EYA2: variants seen among roughly 807,000 people sequenced by gnomAD.
EYA2 encodes EYA transcriptional coactivator and phosphatase 2.
In EYA2, 31 loss-of-function variants were observed where a neutral mutation model predicts 69.2. The ratio of observed to expected loss-of-function variants is 0.45; its 90% confidence interval spans 0.34 to 0.60. The LOEUF (loss-of-function observed/expected upper bound fraction) is 0.60. Among genes scored for constraint, EYA2 ranks in the 20% least tolerant of loss-of-function variants. The pLI, the probability that EYA2 is intolerant of heterozygous loss-of-function variation, is 0.02. For synonymous variants in EYA2, 257 were observed against 279.4 expected (o/e 0.92, Z 0.80); for missense variants, 622 against 701.2 (o/e 0.89, Z 1.28).
chr20:47,039,298 G>T (rs1381569273), intron 5 of EYA2, among the ~76,000 whole-genome samples: 1 of 152,180 alleles, frequency 6.6e-6, no homozygotes, highest in Non-Finnish European at 1.5e-5. Flanking sequence ...ATCAAAAGAA[G>T]AATAATATTT....
At chr20:47,022,391 G>A (rs1983806800) in intron 5 of EYA2, among the ~76,000 whole-genome samples, 1 of 152,102 alleles carries the variant, frequency 6.6e-6, no homozygotes, top group South Asian at 2.1e-4. Context: ...TCGGCTTACT[G>A]CAACCTCCGC....
chr20:46,905,392 AC>A (rs1473256343), intron 1 of EYA2, among the ~76,000 whole-genome samples: 1 of 152,156 alleles, frequency 6.6e-6, no homozygotes, highest in African/African-American at 2.4e-5. Flanking sequence ...GACTCCCCTG[AC>A]CAACCAGTTA....
chr20:47,136,682 G>T (rs776627075), intron 9 of EYA2, among the ~76,000 whole-genome samples: 1 of 151,022 alleles, frequency 6.6e-6, no homozygotes, highest in Non-Finnish European at 1.5e-5. Flanking sequence ...GTTCAAGGCT[G>T]CATTGAGCTA....
intron 2 of EYA2, among the ~76,000 whole-genome samples, chr20:47,000,813 G>A (rs1040717875): frequency 1.3e-5 from 2 of 152,126 alleles, no homozygotes; most frequent in Non-Finnish European, 2.9e-5. Flanking sequence ...TGGAGCTTAG[G>A]AGATGATCGA....
intron 12 of EYA2, among the ~76,000 whole-genome samples, chr20:47,176,180 A>G (rs2034424384): frequency 6.6e-6 from 1 of 150,928 alleles, no homozygotes; most frequent in Non-Finnish European, 1.5e-5. Context: ...CCCAGGTTCA[A>G]GTGACTCTCC....
At chr20:47,073,618 A>G (rs2031398588) in intron 6 of EYA2, among the ~76,000 whole-genome samples, 1 of 152,102 alleles carries the variant, frequency 6.6e-6, no homozygotes, top group Non-Finnish European at 1.5e-5. Flanking sequence ...AGTGACCAGG[A>G]CAGGTGCCAT....
intron 11 of EYA2, 133 bp from the exon 12 acceptor site, chr20:47,172,574 C>T: frequency 1.2e-6 from 1 of 801,858 alleles, no homozygotes; most frequent in Non-Finnish European, 1.9e-6. Flanking sequence ...ACACTCGCAG[C>T]ACCCTGTGCA....
intron 1 of EYA2, among the ~76,000 whole-genome samples, chr20:46,953,604 C>G (rs1978938595): frequency 2.0e-5 from 3 of 152,132 alleles, no homozygotes; most frequent in South Asian, 2.1e-4. Context: ...TGGCGCTGTC[C>G]TGTGCCTTGT....
At chr20:46,938,780 T>A (rs2146260114) in intron 1 of EYA2, among the ~76,000 whole-genome samples, 1 of 152,180 alleles carries the variant, frequency 6.6e-6, no homozygotes. Context: ...CCAACCCAGG[T>A]ACTGTGTGGG....
chr20:47,074,436 C>A, intron 7 of EYA2, 101 bp downstream of exon 7: 1 of 1,272,300 alleles, frequency 7.9e-7, no homozygotes, highest in South Asian at 1.4e-5. Context: ...ACAGGTTACC[C>A]AAGGGTCATT....
In EYA2 at chr20:46,955,338, G is replaced by A. The variant is rs77398585; in HGVS notation, c.-10-34663G>A. Among the ~76,000 whole-genome samples, 993 of 152,270 alleles carry A rather than the reference G, an allele frequency of 6.5e-3. 11 individuals carry two copies. The highest frequency in any genetic ancestry group is 0.023 in the African/African-American group (938 of 41,556). On this transcript the variant is annotated intron_variant, in intron 1 of 15. Coordinates refer to ENST00000327619, the MANE Select transcript of EYA2 (RefSeq NM_005244.5). ...TTTATTTAATGAGCACCTACTGTGT[G>A]TCAGCCAGGCCTCACACCTGGCACT...
At chr20:46,959,139 T>A (rs1237294170) in intron 1 of EYA2, among the ~76,000 whole-genome samples, 1 of 152,250 alleles carries the variant, frequency 6.6e-6, no homozygotes, top group Non-Finnish European at 1.5e-5. Flanking sequence ...AACCTTCATT[T>A]GTTGGAAACC....
At chr20:47,019,423 A>C (rs920716967) in intron 5 of EYA2, among the ~76,000 whole-genome samples, 2 of 152,064 alleles carry the variant, frequency 1.3e-5, no homozygotes, top group African/African-American at 4.8e-5. Flanking sequence ...TATTTTTTTC[A>C]AACACAAACA....
At chr20:46,937,747 C>T (rs1333579092) in intron 1 of EYA2, among the ~76,000 whole-genome samples, 2 of 151,404 alleles carry the variant, frequency 1.3e-5, no homozygotes, top group Admixed American at 1.3e-4. Flanking sequence ...GAGACCTTTC[C>T]GGCCACATTA....
Position 47,188,361 on chromosome 20 carries a change from G to A in EYA2, c.*228G>A, listed in dbSNP as rs1442044674. On this transcript the variant is annotated 3_prime_UTR_variant, in exon 16 of 16. Transcript: ENST00000327619. ...CGGAGTATTTGACTTTGGGGAAAAG[G>A]GCTGGCTCGGAGTCTAGACTCTTCT... is the stretch of plus-strand genomic sequence containing the variant. The A allele has an allele frequency of 1.7e-6, 1 of 601,422 alleles. No individual in the cohort carries two copies. Among genetic ancestry groups the A allele is most frequent in the Non-Finnish European group, 3.0e-6 (1 of 337,232 alleles). The allele number at this position is 601,422 out of a possible 1,614,324, so 37.3% of individuals were successfully genotyped here.
In EYA2 at chr20:47,174,335, A is replaced by G. The variant is rs2034387365; in HGVS notation, c.1198+1468A>G. On this transcript the variant is annotated intron_variant, in intron 12 of 15. Coordinates refer to ENST00000327619, the MANE Select transcript of EYA2 (RefSeq NM_005244.5). The stretch of plus-strand genomic sequence containing the variant: ...TAGGCAACATACATACGGTCATCTT[A>G]ATGAGCCTTAGTCTTTAAATCTATG... Among the ~76,000 whole-genome samples the G allele has an allele frequency of 2.0e-5, 3 of 152,212 alleles. No individual in the cohort carries two copies. The South Asian group carries it at 6.2e-4, about 32-fold the overall frequency.
chr20:47,072,075 C>CTG, intron 5 of EYA2, 110 bp from the exon 6 acceptor site: 1 of 971,312 alleles, frequency 1.0e-6, no homozygotes, highest in Non-Finnish European at 1.7e-6. Context: ...TTCTGCCCAG[C>CTG]TGTCACCCTT....
In EYA2 at chr20:47,126,217, C is replaced by A. The variant is rs1242714893; in HGVS notation, c.889-16842C>A. Among the ~76,000 whole-genome samples, 6 of 152,348 alleles carry A rather than the reference C, an allele frequency of 3.9e-5. No homozygotes were observed. The South Asian group carries it at 8.3e-4, about 21-fold the overall frequency. On this transcript the variant is annotated intron_variant, in intron 9 of 15. Coordinates refer to ENST00000327619, the MANE Select transcript of EYA2 (RefSeq NM_005244.5). ...AACGCCTCCCCCGACCTTCCCTTCGCGTGGCACCTGAGAAAGGGGCAGCCC... is the reference window on the plus strand; with the variant it reads ...AACGCCTCCCCCGACCTTCCCTTCGAGTGGCACCTGAGAAAGGGGCAGCCC...
chr20:46,979,576 T>G (rs1202059273), intron 1 of EYA2: 3 of 152,170 alleles, frequency 2.0e-5, no homozygotes, highest in Non-Finnish European at 2.9e-5. Context: ...TTGAAGGCTG[T>G]CTGAGTTCTC....
Sources: allele counts gnomAD v4.1 joint callset (sites outside exome capture counted in the v4.1 genomes callset), GRCh38; gene constraint gnomAD v4.1.1; transcripts MANE v1.5; gene names NCBI Gene and HGNC (gene_info 2026-07-23, HGNC 2026-07-21).